The following MED13L variants were observed in gnomAD, a reference collection of about 807,000 sequenced individuals.
The protein encoded by MED13L is mediator of RNA polymerase II transcription subunit 13-like.
A neutral mutation model predicts 220.9 loss-of-function variants in MED13L; 7 were observed. The observed-to-expected ratio is 0.03, with a 90% CI of 0.02 to 0.06. The LOEUF (loss-of-function observed/expected upper bound fraction) is 0.06, where lower values mean the gene tolerates loss of function less well. MED13L is among the 10% of genes least tolerant of loss of function. MED13L has a pLI of 1.00. For missense variants in MED13L, 1,965 were observed against 2,760.5 expected, an observed-to-expected ratio of 0.71 and a Z score of 6.46; for synonymous variants, 1,011 against 1,015.2, an observed-to-expected ratio of 1.00 and a Z score of 0.08.
chr12:115,977,999 A>T (rs561003869), intron 23 of MED13L, among the ~76,000 whole-genome samples: 1 of 152,182 alleles, frequency 6.6e-6, no homozygotes, highest in Non-Finnish European at 1.5e-5. Context: ...TTGCCTCAAA[A>T]ATAAAAATAA....
At chr12:116,049,891 AGAATT>A (rs1168103968) in intron 4 of MED13L, among the ~76,000 whole-genome samples, 3 of 152,246 alleles carry the variant, frequency 2.0e-5, no homozygotes, top group Non-Finnish European at 4.4e-5. Flanking sequence ...TAAATAGAAT[AGAATT>A]GAAAATGTAA....
chr12:116,112,468 A>G (rs1368708016), intron 2 of MED13L, among the ~76,000 whole-genome samples: 1 of 152,186 alleles, frequency 6.6e-6, no homozygotes, highest in Non-Finnish European at 1.5e-5. Flanking sequence ...GCATCTCCAT[A>G]TTCTCAAATC....
chr12:116,253,753 G>GT (rs746923184), intron 1 of MED13L, among the ~76,000 whole-genome samples: 4,566 of 76,778 alleles, frequency 0.059, 799 homozygotes, highest in African/African-American at 0.12. Flanking sequence ...GGTTTTTTTT[G>GT]TTTTTTTTTT....
chr12:116,122,828 G>A (rs912383811), intron 2 of MED13L, among the ~76,000 whole-genome samples: 1 of 152,102 alleles, frequency 6.6e-6, no homozygotes, highest in Non-Finnish European at 1.5e-5. Context: ...GCATTTCAAT[G>A]GATCACAAGA....
At chr12:116,079,855 A>G (rs1871104209) in intron 4 of MED13L, among the ~76,000 whole-genome samples, 1 of 152,146 alleles carries the variant, frequency 6.6e-6, no homozygotes, top group Non-Finnish European at 1.5e-5. Flanking sequence ...CATAAACAAA[A>G]GCATCCTGGG....
At chr12:116,277,026 G>GC in intron 1 of MED13L, 34 bp downstream of exon 1, 2 of 780,312 alleles carry the variant, frequency 2.6e-6, no homozygotes, top group Non-Finnish European at 4.1e-6. Flanking sequence ...CCCCTTCCCC[G>GC]GCACAGCCCC....
At chr12:116,121,874 G>A (rs1334722521) in intron 2 of MED13L, among the ~76,000 whole-genome samples, 1 of 152,054 alleles carries the variant, frequency 6.6e-6, no homozygotes, top group Non-Finnish European at 1.5e-5. Context: ...GCACTTTCAG[G>A]GATGGCACTT....
intron 1 of MED13L, among the ~76,000 whole-genome samples, chr12:116,259,504 T>C (rs1464594138): frequency 6.6e-6 from 1 of 152,112 alleles, no homozygotes; most frequent in African/African-American, 2.4e-5. Context: ...ATGATACACA[T>C]GAAATTGAAG....
At chr12:116,016,465 T>C (rs189236066) in intron 7 of MED13L, among the ~76,000 whole-genome samples, 57 of 152,302 alleles carry the variant, frequency 3.7e-4, no homozygotes, top group Non-Finnish European at 4.9e-4. Flanking sequence ...AATTTTACAA[T>C]TGCTTTTCAA....
chr12:116,277,019 C>CCA, intron 1 of MED13L, 41 bp downstream of exon 1: 9 of 1,418,196 alleles, frequency 6.3e-6, no homozygotes, highest in Non-Finnish European at 7.8e-6. Flanking sequence ...GACCCCCCCC[C>CCA]TTCCCCGGCA....
intron 26 of MED13L, 130 bp from the exon 27 acceptor site, chr12:115,970,900 C>A: frequency 1.1e-6 from 1 of 884,546 alleles, no homozygotes; most frequent in Non-Finnish European, 1.8e-6. Flanking sequence ...AAATTGAGTC[C>A]AATTGTTTAA....
At position 115,991,985 on chromosome 12, in the gene MED13L, G is replaced by A. The variant is rs1878092834; in HGVS notation, c.2997-28C>T. 3.8e-6 allele frequency: 6 copies of A among 1,573,076 alleles called. No individual in the cohort carries two copies. Among genetic ancestry groups the A allele is most frequent in the African/African-American group, 1.3e-5 (1 of 74,366 alleles). On this transcript the variant is annotated intron_variant, in intron 16 of 30. Transcript: ENST00000281928. The surrounding 1 kb of genome is among the most constrained non-coding windows in gnomAD (Gnocchi z 7.7). ...ACAAAAAGAGAAGGCACCAAGTGAGGAAGGGCAGCATGTCACAGATGCTGA... is the reference window on the plus strand; with the variant it reads ...ACAAAAAGAGAAGGCACCAAGTGAGAAAGGGCAGCATGTCACAGATGCTGA...
At chr12:116,041,253 A>T (rs1041663765) in intron 4 of MED13L, among the ~76,000 whole-genome samples, 2 of 151,960 alleles carry the variant, frequency 1.3e-5, no homozygotes, top group African/African-American at 4.8e-5. Context: ...CTGTTTGATG[A>T]GTATGTGTGT....
At position 116,189,936 on chromosome 12, in the gene MED13L, G is replaced by C. The variant is rs570178754; in HGVS notation, c.310+47532C>G. Among the ~76,000 whole-genome samples, 7 of 152,076 alleles carry C rather than the reference G, an allele frequency of 4.6e-5. No homozygotes were observed. The East Asian group carries it at 7.7e-4, about 17-fold the overall frequency. On this transcript the variant is annotated intron_variant, in intron 2 of 30. Coordinates refer to ENST00000281928, the MANE Select transcript of MED13L (RefSeq NM_015335.5). ...CTCATTAGTTCTAGATGTTTTTTTG[G>C]GGGGAGGGGAGAAGTTTAAATAGAT...
At chr12:116,195,927 T>G (rs1188423097) in intron 2 of MED13L, among the ~76,000 whole-genome samples, 1 of 151,906 alleles carries the variant, frequency 6.6e-6, no homozygotes, top group Non-Finnish European at 1.5e-5. Context: ...GAGTAAGAGA[T>G]AAAATGTAAA....
chr12:116,143,812 A>T (rs916333735), intron 2 of MED13L, among the ~76,000 whole-genome samples: 1 of 152,242 alleles, frequency 6.6e-6, no homozygotes, highest in Non-Finnish European at 1.5e-5. Flanking sequence ...GTTCATATTC[A>T]TAGACAGGAT....
intron 3 of MED13L, among the ~76,000 whole-genome samples, chr12:116,105,916 G>T (rs1873528953): frequency 6.6e-6 from 1 of 152,148 alleles, no homozygotes; most frequent in African/African-American, 2.4e-5. Flanking sequence ...CCAATGAAAT[G>T]TGAGCAGAAA....
chr12:116,260,384 T>C (rs1413331376), intron 1 of MED13L, among the ~76,000 whole-genome samples: 1 of 152,070 alleles, frequency 6.6e-6, no homozygotes, highest in Non-Finnish European at 1.5e-5. Context: ...TGAGCACTGG[T>C]GATGCACATA....
At chr12:116,150,165 G>C (rs939505263) in intron 2 of MED13L, among the ~76,000 whole-genome samples, 2 of 152,224 alleles carry the variant, frequency 1.3e-5, no homozygotes, top group Non-Finnish European at 2.9e-5. Flanking sequence ...TGAGATCGCT[G>C]TGATACCAGC....
Sources: allele counts gnomAD v4.1 joint callset (sites outside exome capture counted in the v4.1 genomes callset), GRCh38; gene constraint gnomAD v4.1.1; non-coding constraint Gnocchi (gnomAD v3.1); transcripts MANE v1.5; gene names NCBI Gene and HGNC (gene_info 2026-07-23, HGNC 2026-07-21).